MDGA2: variants seen among roughly 807,000 people sequenced by gnomAD.
The protein encoded by MDGA2 is MAM domain containing glycosylphosphatidylinositol anchor 2, also known as MAM domain-containing glycosylphosphatidylinositol anchor protein 2.
MDGA2 carries 40 observed loss-of-function variants against 117.8 expected under a neutral mutation model. The ratio of observed to expected loss-of-function variants is 0.34; its 90% CI spans 0.26 to 0.44. MDGA2 has a LOEUF of 0.44. MDGA2 is among the 20% of genes least tolerant of loss of function. MDGA2 has a pLI of 1.00. For synonymous variants in MDGA2, 452 were observed against 439.0 expected (o/e 1.03, Z -0.37); for missense variants, 1,123 against 1,250.6 (o/e 0.90, Z 1.54).
chr14:47,147,852 C>T lies in MDGA2; in HGVS notation c.596-3578G>A, dbSNP rs985842298. Among the ~76,000 whole-genome samples the T allele has an allele frequency of 9.2e-5, 14 of 152,200 alleles. No homozygotes were observed. The East Asian group carries it at 1.9e-3, about 21-fold the overall frequency. The stretch of plus-strand genomic sequence containing the variant: ...CTTCTACTATTGCCATTCTAGATTC[C>T]TCTCACCCTGCGCTAGTACATTTTT... On this transcript the variant is annotated intron_variant, in intron 3 of 16. Coordinates refer to ENST00000399232, the MANE Select transcript of MDGA2 (RefSeq NM_001113498.3).
At chr14:47,191,774 G>T (rs1056742188) in intron 3 of MDGA2, among the ~76,000 whole-genome samples, 1 of 152,012 alleles carries the variant, frequency 6.6e-6, no homozygotes, top group Non-Finnish European at 1.5e-5. Context: ...CTGATGTACC[G>T]CAGTCAGAAA....
intron 1 of MDGA2, among the ~76,000 whole-genome samples, chr14:47,367,392 T>G (rs1891253936): frequency 6.6e-6 from 1 of 152,126 alleles, no homozygotes; most frequent in South Asian, 2.1e-4. Flanking sequence ...ACCAAAATGC[T>G]CAAAAAAGAC....
Position 46,882,064 on chromosome 14 carries a change from A to G in MDGA2, c.2396T>C (p.Ile799Thr). 6.2e-7 allele frequency: 1 copy of G among 1,607,576 alleles called. No homozygotes were observed. The highest frequency in any genetic ancestry group is 1.1e-5 in the South Asian group (1 of 89,998). ...LTKFGEGDST[I>T]RVIKYSAPVN... ...CTTACCACTATATTTGATCACACGA[A>G]TTGTTGAATCTCCTTCACCAAATTT... The change falls in exon 11 of 17, where the codon ATT becomes ACT. Residue 799 changes from isoleucine to threonine, a missense_variant. Coordinates refer to ENST00000399232, the MANE Select transcript of MDGA2 (RefSeq NM_001113498.3).
At chr14:46,846,328 C>A (rs916394488) in intron 15 of MDGA2, among the ~76,000 whole-genome samples, 1 of 152,050 alleles carries the variant, frequency 6.6e-6, no homozygotes, top group African/African-American at 2.4e-5. Context: ...TATTGAAGCC[C>A]GGAACAAAGT....
chr14:47,559,137 T>C (rs974918014), intron 1 of MDGA2, among the ~76,000 whole-genome samples: 65 of 152,182 alleles, frequency 4.3e-4, no homozygotes, highest in African/African-American at 1.4e-3. Context: ...ATTTATTACA[T>C]AGGTAAATTG....
At chr14:47,539,294 A>G (rs775887757) in intron 1 of MDGA2, among the ~76,000 whole-genome samples, 1 of 152,222 alleles carries the variant, frequency 6.6e-6, no homozygotes, top group African/African-American at 2.4e-5. Context: ...CATTCTTGCA[A>G]TAGTAGCAAA....
chr14:47,339,035 A>G (rs1286206110), intron 1 of MDGA2, among the ~76,000 whole-genome samples: 13 of 152,108 alleles, frequency 8.5e-5, no homozygotes, highest in Admixed American at 7.2e-4. Flanking sequence ...AAAGAAAAAA[A>G]TGTGTCTATT....
intron 2 of MDGA2, among the ~76,000 whole-genome samples, chr14:47,238,175 T>C (rs1327855382): frequency 6.6e-6 from 1 of 152,204 alleles, no homozygotes; most frequent in Non-Finnish European, 1.5e-5. Flanking sequence ...GAACACTCTA[T>C]TAAAAATAGC....
rs565737899 is a variant in MDGA2, at chr14:47,269,353, C to T, written c.420+32058G>A. Among the ~76,000 whole-genome samples the T allele has an allele frequency of 2.2e-4, 33 of 152,154 alleles. No homozygotes were observed. In the South Asian group the frequency reaches 6.4e-3, roughly 30 times the overall value. On this transcript the variant is annotated intron_variant, in intron 2 of 16. Transcript: ENST00000399232. ...ATAAAGTCAGTTACTTTCTCATGTA[C>T]CAATTTCCTTATCCAAAAAGTAAAA... is the stretch of plus-strand genomic sequence containing the variant.
rs80188850 is a variant in MDGA2, at chr14:47,051,752, A to G, written c.1525+9497T>C. 1.5e-3 allele frequency among the ~76,000 whole-genome samples: 232 copies of G among 152,000 alleles called. 2 individuals are homozygous for G. The highest frequency in any genetic ancestry group is 5.3e-3 in the African/African-American group (219 of 41,524). On this transcript the variant is annotated intron_variant, in intron 7 of 16. Transcript: ENST00000399232. ...TTCTAGAGCTTTCACTACCACATAG[A>G]AGAAAATGGTGATGAAACTGTTAGC...
chr14:47,552,894 G>A (rs752240184), intron 1 of MDGA2, among the ~76,000 whole-genome samples: 2 of 152,148 alleles, frequency 1.3e-5, no homozygotes, highest in African/African-American at 2.4e-5. Flanking sequence ...TTGTACTTAC[G>A]TTCCTTCCCC....
chr14:47,277,271 A>G (rs1051514525), intron 2 of MDGA2, among the ~76,000 whole-genome samples: 10 of 152,200 alleles, frequency 6.6e-5, no homozygotes, highest in Admixed American at 5.2e-4. Flanking sequence ...AGGAAACCTG[A>G]CCTAAGACTT....
intron 1 of MDGA2, among the ~76,000 whole-genome samples, chr14:47,348,415 T>C (rs934756276): frequency 5.3e-5 from 8 of 152,074 alleles, no homozygotes; most frequent in Non-Finnish European, 2.9e-5. Context: ...TTTCACCATG[T>C]TGGCCAGGCT....
At chr14:46,843,463 G>C (rs1371816475) in intron 16 of MDGA2, among the ~76,000 whole-genome samples, 1 of 152,120 alleles carries the variant, frequency 6.6e-6, no homozygotes, top group African/African-American at 2.4e-5. Flanking sequence ...CCTTTGAGGA[G>C]AATACATGTT....
At chr14:47,293,845 G>A (rs899430942) in intron 2 of MDGA2, among the ~76,000 whole-genome samples, 2 of 152,104 alleles carry the variant, frequency 1.3e-5, no homozygotes, top group African/African-American at 4.8e-5. Context: ...GATACACTGA[G>A]AGTAAAAAGT....
At chr14:47,179,472 C>T (rs1283143150) in intron 3 of MDGA2, among the ~76,000 whole-genome samples, 1 of 151,770 alleles carries the variant, frequency 6.6e-6, no homozygotes, top group African/African-American at 2.4e-5. Flanking sequence ...TTTGTGAAGA[C>T]CTGATATATC....
intron 6 of MDGA2, among the ~76,000 whole-genome samples, chr14:47,082,295 A>G (rs2138896353): frequency 6.7e-6 from 1 of 150,250 alleles, no homozygotes; most frequent in East Asian, 2.0e-4. Context: ...ATATCAGTTC[A>G]GGCAACCTGA....
At chr14:47,539,002 G>A (rs1240096604) in intron 1 of MDGA2, among the ~76,000 whole-genome samples, 3 of 152,210 alleles carry the variant, frequency 2.0e-5, no homozygotes, top group African/African-American at 2.4e-5. Flanking sequence ...CAGCCCGGTA[G>A]ATAGTGGAGA....
At chr14:47,101,226 G>A (rs2139001940) in intron 5 of MDGA2, among the ~76,000 whole-genome samples, 1 of 152,020 alleles carries the variant, frequency 6.6e-6, no homozygotes, top group East Asian at 1.9e-4. Flanking sequence ...GAAGGGAAAG[G>A]GGAACAAAAA....
Sources: gnomAD v4.1 joint callset for allele counts (sites outside exome capture counted in the v4.1 genomes callset) on GRCh38, gnomAD v4.1.1 for gene constraint, MANE v1.5 for transcripts, NCBI Gene and HGNC (gene_info 2026-07-23, HGNC 2026-07-21) for gene names.